The following CUX1 variants were observed in gnomAD, a reference collection of about 807,000 sequenced individuals.
CUX1 encodes protein CASP.
A neutral mutation model predicts 158.8 loss-of-function variants in CUX1; 31 were observed. The ratio of observed to expected loss-of-function variants is 0.20; its 90% confidence interval spans 0.15 to 0.26. The LOEUF is 0.26. CUX1 is among the 10% of genes least tolerant of loss of function. The pLI, the probability that CUX1 is intolerant of heterozygous loss-of-function variation, is 1.00. For synonymous variants in CUX1, 879 were observed against 862.1 expected (o/e 1.02, Z -0.34); for missense variants, 1,589 against 2,014.6 (o/e 0.79, Z 4.04).
intron 2 of CUX1, among the ~76,000 whole-genome samples, chr7:102,013,584 A>T (rs934780524): frequency 2.0e-5 from 3 of 152,256 alleles, no homozygotes; most frequent in South Asian, 2.1e-4. Flanking sequence ...TTCTCTAAGC[A>T]TCAACAATTT....
At chr7:102,087,315 T>G (rs1348625924) in intron 4 of CUX1, among the ~76,000 whole-genome samples, 1 of 152,244 alleles carries the variant, frequency 6.6e-6, no homozygotes, top group African/African-American at 2.4e-5. Context: ...CCATGATGGC[T>G]CACACCTGTA....
intron 5 of CUX1, among the ~76,000 whole-genome samples, chr7:102,098,956 G>T (rs1463785686): frequency 7.3e-5 from 11 of 151,644 alleles, no homozygotes; most frequent in Non-Finnish European, 7.4e-5. Context: ...ACCGCACCCA[G>T]CCAATTGGCA....
intron 1 of CUX1, among the ~76,000 whole-genome samples, chr7:101,863,381 C>T (rs1389123581): frequency 2.0e-5 from 3 of 147,138 alleles, no homozygotes; most frequent in African/African-American, 7.5e-5. Context: ...GATGGAGTCT[C>T]CTTCTGTCGC....
At chr7:102,132,208 GGATA>G (rs1208457415) in intron 8 of CUX1, among the ~76,000 whole-genome samples, 16 of 147,466 alleles carry the variant, frequency 1.1e-4, no homozygotes, top group African/African-American at 4.0e-4. Flanking sequence ...ATGGGCGGGT[GGATA>G]GATGGATGGA....
chr7:102,275,954 A>G (rs530219632), intron 17 of CUX1, among the ~76,000 whole-genome samples: 1 of 151,130 alleles, frequency 6.6e-6, no homozygotes, highest in African/African-American at 2.4e-5. Context: ...GGTTGCAGTG[A>G]GCTGATGAGA....
rs1309228267 is a variant in CUX1, at chr7:102,253,289, C to T, written c.*4247C>T. ...CCAGCTCTCATACCCCATCTCCCTC[C>T]TTGGCCAGGGCCAGCATCAGGCGTG... On this transcript the variant is annotated 3_prime_UTR_variant, in exon 24 of 24. Transcript: ENST00000292535. 2.2e-5 allele frequency: 22 copies of T among 985,500 alleles called. No individual in the cohort carries two copies. Among genetic ancestry groups the T allele is most frequent in the Middle Eastern group, 5.2e-4 (1 of 1,940 alleles). The allele number at this position is 985,500 out of a possible 1,614,324, so 61.0% of individuals were successfully genotyped here.
At chr7:101,930,636 A>G (rs1806179914) in intron 2 of CUX1, among the ~76,000 whole-genome samples, 3 of 152,198 alleles carry the variant, frequency 2.0e-5, no homozygotes. Context: ...AGAGTCTTGT[A>G]ATTTTGTTTG....
At chr7:101,854,015 G>A (rs1034426407) in intron 1 of CUX1, among the ~76,000 whole-genome samples, 3 of 152,150 alleles carry the variant, frequency 2.0e-5, no homozygotes, top group Admixed American at 6.5e-5. Context: ...CTGGAAAGGC[G>A]GCTTCGGCTT....
chr7:102,249,987 C>T lies in CUX1; in HGVS notation c.*945C>T. ...CATTGATGTATAGCTTTAACTGACC[C>T]TGGGTTTTGCAGACCAGGGTTTGTT... is the stretch of plus-strand genomic sequence containing the variant. On this transcript the variant is annotated 3_prime_UTR_variant, in exon 24 of 24. Transcript: ENST00000292535. The T allele has an allele frequency of 2.0e-6, 2 of 984,304 alleles. No individual in the cohort carries two copies. Among genetic ancestry groups the T allele is most frequent in the Non-Finnish European group, 2.4e-6 (2 of 829,774 alleles). 61.0% of individuals were successfully genotyped at this position (984,304 alleles called of 1,614,324 possible). A position where few individuals can be genotyped will look rare whatever the true frequency, so the allele number is the denominator to read the frequency against.
At chr7:102,161,348 A>G (rs78315824) in intron 9 of CUX1, 1 of 151,922 alleles carries the variant, frequency 6.6e-6, no homozygotes, top group Non-Finnish European at 1.5e-5. Flanking sequence ...ACCCTATCTC[A>G]AAAAAAATAA....
intron 20 of CUX1, among the ~76,000 whole-genome samples, chr7:102,219,055 A>AACACACACAC (rs3138788): frequency 0.045 from 5,733 of 126,228 alleles, 202 homozygotes; most frequent in Admixed American, 0.081. Flanking sequence ...CCTGCCTCAA[A>AACACACACAC]ACACACACAC....
At chr7:101,992,350 A>G (rs1467967274) in intron 2 of CUX1, among the ~76,000 whole-genome samples, 2 of 152,192 alleles carry the variant, frequency 1.3e-5, no homozygotes, top group Non-Finnish European at 2.9e-5. Flanking sequence ...GGCCTTCTGC[A>G]GTTAAAACTA....
At chr7:102,172,921 C>T (rs1161645868) in intron 10 of CUX1, among the ~76,000 whole-genome samples, 1 of 152,052 alleles carries the variant, frequency 6.6e-6, no homozygotes, top group East Asian at 1.9e-4. Context: ...ATTAGCTGGG[C>T]ATGGTGGTAT....
intron 1 of CUX1, among the ~76,000 whole-genome samples, chr7:101,872,903 C>T (rs566173944): frequency 6.6e-5 from 10 of 152,136 alleles, no homozygotes; most frequent in South Asian, 2.1e-4. Flanking sequence ...GACGGAGTCT[C>T]GCTCTGTCAC....
rs544572731 is a variant in CUX1, at chr7:102,091,549, G to C, written c.269-5815G>C. On this transcript the variant is annotated intron_variant, in intron 4 of 23. Transcript: ENST00000292535. ...GAGGTCTTGCTATGCTGCCCCAGCT[G>C]GTCTTGAACTGCTGGCCTCAAGTGA... Among the ~76,000 whole-genome samples, 4 of 151,842 alleles carry C rather than the reference G, an allele frequency of 2.6e-5. No individual in the cohort carries two copies. In the East Asian group the frequency reaches 7.8e-4, roughly 29 times the overall value.
At chr7:102,132,211 T>TAGATGGATGGATGGAC (rs1833331286) in intron 8 of CUX1, among the ~76,000 whole-genome samples, 1 of 145,612 alleles carries the variant, frequency 6.9e-6, no homozygotes, top group African/African-American at 2.7e-5. Flanking sequence ...GGCGGGTGGA[T>TAGATGGATGGATGGAC]AGATGGATGG....
rs1296921621 is a variant in CUX1 at position 102,023,446 on chromosome 7, G to A, written c.142-4652G>A. Among the ~76,000 whole-genome samples, 7 of 152,228 alleles carry A rather than the reference G, an allele frequency of 4.6e-5. No individual in the cohort carries two copies. In the South Asian group the frequency reaches 1.2e-3, roughly 27 times the overall value. ...AAATCGTATCATGTCCTTGCTAACC[G>A]ACGATGGAGAATTCTGTGGGTCAGA... On this transcript the variant is annotated intron_variant, in intron 2 of 23. Transcript: ENST00000292535.
intron 2 of CUX1, among the ~76,000 whole-genome samples, chr7:101,921,346 G>A (rs1804900858): frequency 6.6e-6 from 1 of 152,286 alleles, no homozygotes; most frequent in African/African-American, 2.4e-5. Context: ...TTCGTTATTA[G>A]CATTAACCTG....
intron 22 of CUX1, among the ~76,000 whole-genome samples, chr7:102,239,014 G>A (rs1799884925): frequency 6.6e-6 from 1 of 152,282 alleles, no homozygotes; most frequent in South Asian, 2.1e-4. Context: ...AGCCTCCCTA[G>A]TAGCTGGGAT....
Sources: allele counts gnomAD v4.1 joint callset (sites outside exome capture counted in the v4.1 genomes callset), GRCh38; gene constraint gnomAD v4.1.1; transcripts MANE v1.5; gene names NCBI Gene and HGNC (gene_info 2026-07-23, HGNC 2026-07-21).